The following NUP160 variants were observed in gnomAD, a reference collection of about 807,000 sequenced individuals.
The protein encoded by NUP160 is nucleoporin 160, also known as nuclear pore complex protein Nup160.
NUP160 carries 94 observed loss-of-function variants against 196.9 expected under a neutral mutation model. That is an observed-to-expected ratio of 0.48 (90% CI 0.40 to 0.57). The LOEUF is 0.57. Ranked by LOEUF, NUP160 falls within the 20% of genes least tolerant of loss-of-function variation. NUP160 has a pLI of 0.00. For missense variants in NUP160, 1,638 were observed against 1,748.3 expected, an observed-to-expected ratio of 0.94 and a Z score of 1.13; for synonymous variants, 605 against 619.7, an observed-to-expected ratio of 0.98 and a Z score of 0.35.
intron 7 of NUP160, among the ~76,000 whole-genome samples, chr11:47,831,894 C>CTTTTTTTTTTTTTTTTTTT (rs554204043): frequency 2.9e-5 from 2 of 69,982 alleles, no homozygotes; most frequent in African/African-American, 1.2e-4. Flanking sequence ...TAATAAATTC[C>CTTTTTTTTTTTTTTTTTTT]TTTTTTTTTT....
In NUP160 at chr11:47,848,361, C is replaced by G. The variant is rs200980822; in HGVS notation, c.60G>C (p.Arg20=). ...GACGCCCAACGGAACAAAGGCAGGG[C>G]CGCGCGGTCGCCGTCACTTCCGGGG... Residue 20 remains arginine (R), a synonymous_variant, in exon 1 of 36, where the codon CGG becomes CGC. Transcript: ENST00000378460. 6 of 1,611,218 alleles carry G rather than the reference C, an allele frequency of 3.7e-6. No homozygotes were observed. The highest frequency in any genetic ancestry group is 4.2e-6 in the Non-Finnish European group (5 of 1,178,876).
chr11:47,791,684 G>C (rs2135349793), intron 29 of NUP160, among the ~76,000 whole-genome samples: 1 of 152,124 alleles, frequency 6.6e-6, no homozygotes, highest in South Asian at 2.1e-4. Flanking sequence ...GTTCAACTGG[G>C]AGTTTTTTCA....
chr11:47,836,739 G>C lies in NUP160; in HGVS notation c.942+148C>G, dbSNP rs1248786791. The C allele has an allele frequency of 5.8e-6, 3 of 521,238 alleles. No homozygotes were observed. In the Admixed American group the frequency reaches 9.8e-5, roughly 17 times the overall value. 32.3% of individuals were successfully genotyped at this position (521,238 alleles called of 1,614,324 possible). Reference sequence around the variant, plus strand: ...AGGAGGAAAATATATGCAAAATAAAGCTAAATGAAACTGTCTGAATCTGGC... The same window carrying C: ...AGGAGGAAAATATATGCAAAATAAACCTAAATGAAACTGTCTGAATCTGGC... On this transcript the variant is annotated intron_variant, in intron 6 of 35. Transcript: ENST00000378460.
chr11:47,826,475 AC>A (rs1355040750), intron 7 of NUP160, among the ~76,000 whole-genome samples: 1 of 151,784 alleles, frequency 6.6e-6, no homozygotes, highest in East Asian at 1.9e-4. Context: ...TCCCGATCTG[AC>A]CTTTAGAGCA....
rs181261984 is a variant in NUP160, at chr11:47,802,481, C to T, written c.2776-551G>A. Among the ~76,000 whole-genome samples, 13 of 151,926 alleles carry T rather than the reference C, an allele frequency of 8.6e-5. No individual in the cohort carries two copies. The East Asian group carries it at 2.5e-3, about 29-fold the overall frequency. On this transcript the variant is annotated intron_variant, in intron 22 of 35. Transcript: ENST00000378460. ...ACCTTAATAAGATGATTGACACATA[C>T]ATACATAATAAGGCAACTGTAGCAA...
chr11:47,794,462 G>A (rs2097669718), intron 27 of NUP160, among the ~76,000 whole-genome samples: 1 of 152,102 alleles, frequency 6.6e-6, no homozygotes, highest in East Asian at 1.9e-4. Flanking sequence ...GCGACAGAGC[G>A]AGACTCCGTC....
At chr11:47,790,753 C>G (rs989242628) in intron 29 of NUP160, among the ~76,000 whole-genome samples, 1 of 152,032 alleles carries the variant, frequency 6.6e-6, no homozygotes, top group Non-Finnish European at 1.5e-5. Flanking sequence ...GACCCTGTTT[C>G]AAAAACAAAA....
intron 22 of NUP160, among the ~76,000 whole-genome samples, chr11:47,802,494 G>A (rs2097674779): frequency 6.6e-6 from 1 of 151,898 alleles, no homozygotes; most frequent in African/African-American, 2.4e-5. Context: ...ACATAATAAG[G>A]CAACTGTAGC....
chr11:47,837,412 T>G (rs1049478573), intron 5 of NUP160, 133 bp downstream of exon 5: 13 of 700,006 alleles, frequency 1.9e-5, no homozygotes, highest in Non-Finnish European at 2.9e-5. Flanking sequence ...CAGATGGAAT[T>G]TAATGTTATT....
chr11:47,793,139 C>G (rs1028677666), intron 27 of NUP160, among the ~76,000 whole-genome samples, 193 bp from the exon 28 acceptor site: 1 of 152,016 alleles, frequency 6.6e-6, no homozygotes, highest in Non-Finnish European at 1.5e-5. Flanking sequence ...GGCACACGAC[C>G]ACCACGCCCG....
At chr11:47,810,592 G>A (rs950262281) in intron 17 of NUP160, among the ~76,000 whole-genome samples, 2 of 148,442 alleles carry the variant, frequency 1.3e-5, no homozygotes, top group Non-Finnish European at 3.0e-5. Flanking sequence ...TGTCACACAC[G>A]CTGGAGTGCA....
intron 29 of NUP160, among the ~76,000 whole-genome samples, chr11:47,789,520 GA>G (rs1214857552): frequency 2.6e-5 from 4 of 151,806 alleles, no homozygotes; most frequent in Non-Finnish European, 5.9e-5. Flanking sequence ...CAACATTCAA[GA>G]AAAAAACCAC....
rs987375502 is a variant in NUP160 at position 47,789,261 on chromosome 11, C to T, written c.3512-650G>A. On this transcript the variant is annotated intron_variant, in intron 29 of 35. Transcript: ENST00000378460. ...AGCTCAAATGACCCTCCTGCCTTGG[C>T]CTCCCAAAATGCTGGGATTACAAGG... Among the ~76,000 whole-genome samples, 3 of 152,166 alleles carry T rather than the reference C, an allele frequency of 2.0e-5. No homozygotes were observed. In the South Asian group the frequency reaches 6.2e-4, roughly 31 times the overall value.
intron 19 of NUP160, among the ~76,000 whole-genome samples, chr11:47,806,814 C>T (rs989215234): frequency 5.9e-4 from 86 of 146,054 alleles, no homozygotes; most frequent in Non-Finnish European, 1.1e-3. Context: ...CACACACACA[C>T]ACACACACAC....
chr11:47,815,445 CAAG>C lies in NUP160; in HGVS notation c.1686+31_1686+33del, dbSNP rs2097683856. The stretch of plus-strand genomic sequence containing the variant: ...TGTTATAACAGCCACTGAACTGTCT[CAAG>C]AAGGTCTTCTCTATGCTTTAGCTCA... On this transcript the variant is annotated intron_variant, in intron 13 of 35. Coordinates refer to ENST00000378460, the Ensembl canonical transcript of NUP160. The C allele has an allele frequency of 2.0e-6, 3 of 1,517,196 alleles. No individual in the cohort carries two copies. The South Asian group carries it at 4.0e-5, about 20-fold the overall frequency. 94.0% of individuals were successfully genotyped at this position (1,517,196 alleles called of 1,614,324 possible). A position where few individuals can be genotyped will look rare whatever the true frequency, so the allele number is the denominator to read the frequency against.
chr11:47,824,041 A>G (rs59910232), intron 7 of NUP160, among the ~76,000 whole-genome samples: 4,533 of 128,294 alleles, frequency 0.035, 167 homozygotes, highest in Non-Finnish European at 0.056. Context: ...ATATATATAT[A>G]TATATATATA....
intron 7 of NUP160, among the ~76,000 whole-genome samples, chr11:47,832,796 G>T (rs1012795612): frequency 1.3e-5 from 2 of 152,292 alleles, no homozygotes; most frequent in East Asian, 1.9e-4. Flanking sequence ...TAAATCAGCT[G>T]TATGTATTGG....
At chr11:47,803,175 T>TAATAATAATAATAAA (rs1490694819) in intron 22 of NUP160, among the ~76,000 whole-genome samples, 3 of 147,622 alleles carry the variant, frequency 2.0e-5, no homozygotes, top group African/African-American at 7.5e-5. Context: ...ATAATAATAA[T>TAATAATAATAATAAA]AATAAAAGGA....
At chr11:47,796,802 C>T (rs1038358874) in intron 27 of NUP160, among the ~76,000 whole-genome samples, 2 of 152,184 alleles carry the variant, frequency 1.3e-5, no homozygotes, top group African/African-American at 4.8e-5. Flanking sequence ...CTGCAACCTC[C>T]ACCTTCTGGG....
Sources: gnomAD v4.1 joint callset for allele counts (sites outside exome capture counted in the v4.1 genomes callset) on GRCh38, gnomAD v4.1.1 for gene constraint, MANE v1.5 for transcripts, NCBI Gene and HGNC (gene_info 2026-07-23, HGNC 2026-07-21) for gene names.